The following SLC44A5 variants were observed in gnomAD, a reference collection of about 807,000 sequenced individuals.
SLC44A5 encodes solute carrier family 44 member 5, also known as choline transporter-like protein 5.
In SLC44A5, 57 loss-of-function variants were observed where a neutral mutation model predicts 101.8. That is an observed-to-expected ratio of 0.56 (90% confidence interval 0.45 to 0.70). The LOEUF is 0.70. Ranked by LOEUF, SLC44A5 falls within the 30% of genes least tolerant of loss-of-function variation. SLC44A5 has a pLI of 0.00. For missense variants in SLC44A5, 737 were observed against 853.1 expected, an observed-to-expected ratio of 0.86 and a Z score of 1.70; for synonymous variants, 281 against 290.9, an observed-to-expected ratio of 0.97 and a Z score of 0.35.
At chr1:75,669,926 T>G in the SLC44A5 span, among the ~76,000 whole-genome samples, 1 of 152,190 alleles carries the variant, frequency 6.6e-6, no homozygotes, top group Non-Finnish European at 1.5e-5. Context: ...ATCTCTGTTT[T>G]GAGGGTTGAA....
At chr1:75,471,590 C>G (rs1395168553) in intron 2 of SLC44A5, among the ~76,000 whole-genome samples, 1 of 152,082 alleles carries the variant, frequency 6.6e-6, no homozygotes, top group Non-Finnish European at 1.5e-5. Context: ...GCGGGCAGAG[C>G]TCATGTCTCT....
chr1:75,629,933 A>G, the SLC44A5 span, among the ~76,000 whole-genome samples: 3 of 152,318 alleles, frequency 2.0e-5, no homozygotes, highest in Admixed American at 2.0e-4. Context: ...GCAAGTTAGA[A>G]AGCACAAGAT....
chr1:75,248,274 G>A lies in SLC44A5; in HGVS notation c.345+2936C>T, dbSNP rs116216562. ...TAACATTTGCAGAAATACTTGAAGAGGATGAATGATCAAGCCATAGCTTTG... is the reference window on the plus strand; with the variant it reads ...TAACATTTGCAGAAATACTTGAAGAAGATGAATGATCAAGCCATAGCTTTG... On this transcript the variant is annotated intron_variant, in intron 7 of 23. Coordinates refer to ENST00000370859, the MANE Select transcript of SLC44A5 (RefSeq NM_001130058.2). Among the ~76,000 whole-genome samples, 779 of 152,156 alleles carry A rather than the reference G, an allele frequency of 5.1e-3. 8 individuals carry two copies. The highest frequency in any genetic ancestry group is 0.018 in the African/African-American group (752 of 41,542).
the SLC44A5 span, among the ~76,000 whole-genome samples, chr1:75,626,690 C>A: frequency 6.6e-6 from 1 of 152,220 alleles, no homozygotes; most frequent in South Asian, 2.1e-4. Context: ...TCTCTCTGTT[C>A]TAGCAACGCC....
intron 2 of SLC44A5, among the ~76,000 whole-genome samples, chr1:75,525,630 G>C (rs997717287): frequency 6.6e-6 from 1 of 152,110 alleles, no homozygotes. Context: ...AAAAGAGAGA[G>C]AATGAGAGAG....
At chr1:75,550,079 T>C (rs918867070) in intron 1 of SLC44A5, among the ~76,000 whole-genome samples, 1 of 152,122 alleles carries the variant, frequency 6.6e-6, no homozygotes, top group African/African-American at 2.4e-5. Flanking sequence ...TCTGCTGAGT[T>C]GAAAACAGGC....
chr1:75,643,864 A>G, the SLC44A5 span, among the ~76,000 whole-genome samples: 5 of 152,212 alleles, frequency 3.3e-5, no homozygotes, highest in East Asian at 7.7e-4. Context: ...TATTAGCAGC[A>G]TAAGAACAGA....
chr1:75,490,811 G>C (rs1668385760), intron 2 of SLC44A5, among the ~76,000 whole-genome samples: 1 of 152,120 alleles, frequency 6.6e-6, no homozygotes, highest in African/African-American at 2.4e-5. Context: ...TTCAAGAACA[G>C]TGTAATTCTT....
intron 4 of SLC44A5, among the ~76,000 whole-genome samples, chr1:75,338,350 G>A (rs762196585): frequency 3.4e-4 from 52 of 152,134 alleles, no homozygotes; most frequent in Non-Finnish European, 7.5e-4. Flanking sequence ...AACCAGCCAG[G>A]CATAATTCTG....
the SLC44A5 span, among the ~76,000 whole-genome samples, chr1:75,663,573 A>G: frequency 6.6e-6 from 1 of 152,168 alleles, no homozygotes; most frequent in Admixed American, 6.6e-5. Flanking sequence ...GAGGAAATGG[A>G]TAAGTTCCTA....
At chr1:75,216,566 C>T (rs2100481666) in intron 18 of SLC44A5, among the ~76,000 whole-genome samples, 1 of 151,992 alleles carries the variant, frequency 6.6e-6, no homozygotes, top group East Asian at 1.9e-4. Flanking sequence ...TCCAGCAATA[C>T]ACAGGGTTCC....
At chr1:75,559,474 A>G (rs548447312) in intron 1 of SLC44A5, among the ~76,000 whole-genome samples, 1 of 152,294 alleles carries the variant, frequency 6.6e-6, no homozygotes, top group African/African-American at 2.4e-5. Context: ...AATATCGGAT[A>G]GTTCACTTGG....
Position 75,576,837 on chromosome 1 carries a change from A to G in SLC44A5, c.-70+34203T>C, listed in dbSNP as rs192583783. On this transcript the variant is annotated intron_variant, in intron 1 of 23. Coordinates refer to ENST00000370859, the MANE Select transcript of SLC44A5 (RefSeq NM_001130058.2). ...GCCTCTGTTACTTGCTGATGAATAA[A>G]GAGAAGTTAACCTTTCTAAACTGTT... Among the ~76,000 whole-genome samples the G allele has an allele frequency of 1.8e-3, 273 of 152,354 alleles. 1 individual carries two copies. Among genetic ancestry groups the G allele is most frequent in the Admixed American group, 3.3e-3 (51 of 15,304 alleles).
At chr1:75,305,784 G>A (rs551865197) in intron 4 of SLC44A5, among the ~76,000 whole-genome samples, 6 of 148,540 alleles carry the variant, frequency 4.0e-5, no homozygotes, top group South Asian at 2.2e-4. Context: ...AGTGTGGATC[G>A]CCACATTCTA....
the SLC44A5 span, among the ~76,000 whole-genome samples, chr1:75,658,162 C>A: frequency 6.6e-6 from 1 of 152,124 alleles, no homozygotes; most frequent in African/African-American, 2.4e-5. Context: ...GCAGCCTCGA[C>A]CTCTGAGCTC....
chr1:75,312,843 T>A (rs1655416196), intron 4 of SLC44A5, among the ~76,000 whole-genome samples: 1 of 152,130 alleles, frequency 6.6e-6, no homozygotes, highest in Non-Finnish European at 1.5e-5. Context: ...GTTAAAGGAC[T>A]TGACAGTTCA....
chr1:75,480,011 CT>C (rs1301378116), intron 2 of SLC44A5, among the ~76,000 whole-genome samples: 3 of 152,192 alleles, frequency 2.0e-5, no homozygotes. Flanking sequence ...CAATAAAATA[CT>C]GGCAAACCGA....
intron 5 of SLC44A5, among the ~76,000 whole-genome samples, chr1:75,280,149 G>GTATATCTAA (rs376019515): frequency 0.05 from 2 of 40 alleles, 1 homozygote; most frequent in Non-Finnish European, 0.062. Flanking sequence ...TATATATATT[G>GTATATCTAA]TATATATTAT....
At chr1:75,472,143 G>C (rs1021963124) in intron 2 of SLC44A5, among the ~76,000 whole-genome samples, 1 of 151,086 alleles carries the variant, frequency 6.6e-6, no homozygotes, top group African/African-American at 2.4e-5. Flanking sequence ...CAAGCCACTG[G>C]GAATAGAGCT....
Sources: gnomAD v4.1 joint callset for allele counts (sites outside exome capture counted in the v4.1 genomes callset) on GRCh38, gnomAD v4.1.1 for gene constraint, MANE v1.5 for transcripts, NCBI Gene and HGNC (gene_info 2026-07-23, HGNC 2026-07-21) for gene names.